TENM4: variants seen among roughly 807,000 people sequenced by gnomAD.
TENM4 encodes teneurin-4.
TENM4 carries 82 observed loss-of-function variants against 243.3 expected under a neutral mutation model. The ratio of observed to expected loss-of-function variants is 0.34; its 90% CI spans 0.28 to 0.40. The LOEUF (loss-of-function observed/expected upper bound fraction) is 0.40. TENM4 is among the 10% of genes least tolerant of loss of function. The pLI, the probability that TENM4 is intolerant of heterozygous loss-of-function variation, is 1.00. For synonymous variants in TENM4, 1,412 were observed against 1,456.3 expected (o/e 0.97, Z 0.69); for missense variants, 3,138 against 3,673.3 (o/e 0.85, Z 3.77).
rs1473504952 is a variant in TENM4 at position 78,658,773 on chromosome 11, G to A, written c.7595C>T (p.Ala2532Val). 5 of 1,613,830 alleles carry A rather than the reference G, an allele frequency of 3.1e-6. No homozygotes were observed. In the Admixed American group the frequency reaches 6.7e-5, roughly 22 times the overall value. ...VQCEVQKQLK[A>V]FVTLERFDQL... The stretch of plus-strand genomic sequence containing the variant: ...GTCAAACCGTTCTAAGGTGACAAAG[G>A]CCTTGAGCTGCTTCTGTACTTCACA... The change falls in exon 34 of 34, where the codon GCC (alanine) becomes GTC (valine). Residue 2532 changes from alanine (A) to valine (V), a missense_variant. By Grantham distance (64) the Ala-to-Val change is moderately conservative (BLOSUM62 0). Coordinates refer to ENST00000278550, the MANE Select transcript of TENM4 (RefSeq NM_001098816.3).
chr11:79,128,735 G>C (rs1861932869), intron 4 of TENM4, among the ~76,000 whole-genome samples: 1 of 152,228 alleles, frequency 6.6e-6, no homozygotes, highest in Non-Finnish European at 1.5e-5. Context: ...ACTTTGAGCA[G>C]TGCACCTAAA....
intron 12 of TENM4, among the ~76,000 whole-genome samples, chr11:78,845,949 C>T (rs566812908): frequency 2.6e-5 from 4 of 152,122 alleles, no homozygotes; most frequent in Non-Finnish European, 5.9e-5. Flanking sequence ...GTCAGATGAG[C>T]GGACTGCAGG....
At chr11:79,290,657 A>G (rs1856340979) in intron 2 of TENM4, among the ~76,000 whole-genome samples, 1 of 152,136 alleles carries the variant, frequency 6.6e-6, no homozygotes, top group Admixed American at 6.5e-5. Flanking sequence ...GTAATCCAGA[A>G]GATGATCTAA....
intron 2 of TENM4, among the ~76,000 whole-genome samples, chr11:79,259,186 C>T (rs565814063): frequency 7.4e-4 from 113 of 152,232 alleles, no homozygotes; most frequent in Non-Finnish European, 9.6e-4. Flanking sequence ...TATGTACCTA[C>T]GCAGACTACT....
At chr11:79,314,406 T>G (rs2135418136) in intron 1 of TENM4, among the ~76,000 whole-genome samples, 1 of 152,332 alleles carries the variant, frequency 6.6e-6, no homozygotes, top group Non-Finnish European at 1.5e-5. Flanking sequence ...GATAAATGAA[T>G]TGAGTTTACC....
At chr11:78,733,829 G>T (rs1301488102) in intron 20 of TENM4, among the ~76,000 whole-genome samples, 2 of 152,150 alleles carry the variant, frequency 1.3e-5, no homozygotes, top group Admixed American at 6.5e-5. Context: ...AATCCGGCAG[G>T]CTGGGTCTGC....
chr11:78,923,190 A>T (rs543761840), intron 6 of TENM4, among the ~76,000 whole-genome samples: 1 of 152,228 alleles, frequency 6.6e-6, no homozygotes, highest in East Asian at 1.9e-4. Flanking sequence ...CTGCACTCAG[A>T]GGGCCCGTGT....
chr11:79,154,789 T>C (rs1565226626), intron 3 of TENM4, among the ~76,000 whole-genome samples: 1 of 152,070 alleles, frequency 6.6e-6, no homozygotes, highest in Non-Finnish European at 1.5e-5. Flanking sequence ...AGAGTGATGA[T>C]CTGATTAATG....
chr11:78,760,685 TTGG>T (rs1856410920), intron 18 of TENM4, among the ~76,000 whole-genome samples: 1 of 152,192 alleles, frequency 6.6e-6, no homozygotes, highest in Non-Finnish European at 1.5e-5. Context: ...TCTGCAAAGT[TTGG>T]TTTTGAGCTC....
intron 6 of TENM4, among the ~76,000 whole-genome samples, chr11:78,906,030 G>T (rs1856056028): frequency 6.6e-6 from 1 of 152,238 alleles, no homozygotes; most frequent in African/African-American, 2.4e-5. Context: ...GGGAGGCAGT[G>T]GCTGAACCAC....
At chr11:79,371,543 T>C (rs1857787008) in intron 1 of TENM4, among the ~76,000 whole-genome samples, 1 of 152,208 alleles carries the variant, frequency 6.6e-6, no homozygotes, top group Non-Finnish European at 1.5e-5. Context: ...CCCCATGGGC[T>C]TCCTTATCAC....
At chr11:78,909,796 T>C (rs1020943812) in intron 6 of TENM4, among the ~76,000 whole-genome samples, 2 of 152,190 alleles carry the variant, frequency 1.3e-5, no homozygotes, top group Non-Finnish European at 2.9e-5. Context: ...TAGAGTGAAA[T>C]GGCTATGTGA....
At chr11:79,200,025 T>C (rs563830742) in intron 3 of TENM4, among the ~76,000 whole-genome samples, 1 of 152,254 alleles carries the variant, frequency 6.6e-6, no homozygotes, top group Admixed American at 6.5e-5. Flanking sequence ...GCAGACACCT[T>C]GGAAAAAACT....
At chr11:78,759,223 C>G (rs1178986527) in intron 18 of TENM4, among the ~76,000 whole-genome samples, 1 of 152,206 alleles carries the variant, frequency 6.6e-6, no homozygotes, top group Non-Finnish European at 1.5e-5. Context: ...TAGCAAAGCA[C>G]CTGTCTTCTC....
chr11:78,748,885 G>C (rs757823099), intron 19 of TENM4, among the ~76,000 whole-genome samples: 1 of 152,086 alleles, frequency 6.6e-6, no homozygotes, highest in African/African-American at 2.4e-5. Flanking sequence ...CAAACAACCT[G>C]GCAGGGTGGA....
intron 1 of TENM4, among the ~76,000 whole-genome samples, chr11:79,379,840 G>A (rs952407554): frequency 2.0e-5 from 3 of 152,180 alleles, no homozygotes; most frequent in Admixed American, 6.5e-5. Context: ...AAATGAGACA[G>A]CTTCTAGGGT....
intron 7 of TENM4, among the ~76,000 whole-genome samples, chr11:78,896,002 G>A (rs755934677): frequency 1.3e-5 from 2 of 152,154 alleles, no homozygotes; most frequent in African/African-American, 2.4e-5. Flanking sequence ...CCTGTAGGAG[G>A]GGCTCCCAGT....
At chr11:79,108,622 T>A (rs986999782) in intron 4 of TENM4, among the ~76,000 whole-genome samples, 2 of 152,072 alleles carry the variant, frequency 1.3e-5, no homozygotes, top group Non-Finnish European at 2.9e-5. Flanking sequence ...AAAATTAGCA[T>A]CACCGATGAG....
At chr11:78,659,062 A>G (rs1857971249) in intron 33 of TENM4, among the ~76,000 whole-genome samples, 1 of 152,236 alleles carries the variant, frequency 6.6e-6, no homozygotes, top group Admixed American at 6.5e-5. Flanking sequence ...AATCTGTGCC[A>G]GGTCGTTTTG....
Sources: gnomAD v4.1 joint callset for allele counts (sites outside exome capture counted in the v4.1 genomes callset) on GRCh38, gnomAD v4.1.1 for gene constraint, MANE v1.5 for transcripts, NCBI Gene and HGNC (gene_info 2026-07-23, HGNC 2026-07-21) for gene names.